The following MARCHF5 variants were observed in gnomAD, a reference collection of about 807,000 sequenced individuals.
The protein encoded by MARCHF5 is E3 ubiquitin-protein ligase MARCHF5.
MARCHF5 carries 5 observed loss-of-function variants against 36.5 expected under a neutral mutation model. The ratio of observed to expected loss-of-function variants is 0.14; its 90% CI spans 0.07 to 0.29. MARCHF5 has a LOEUF of 0.29. MARCHF5 is among the 10% of genes least tolerant of loss of function. The pLI, the probability that MARCHF5 is intolerant of heterozygous loss-of-function variation, is 1.00. For missense variants in MARCHF5, 179 were observed against 336.3 expected, an observed-to-expected ratio of 0.53 and a Z score of 3.66; for synonymous variants, 103 against 109.9, an observed-to-expected ratio of 0.94 and a Z score of 0.39.
intron 2 of MARCHF5, among the ~76,000 whole-genome samples, chr10:92,317,669 A>G (rs1843228895): frequency 1.3e-5 from 2 of 151,418 alleles, no homozygotes; most frequent in Non-Finnish European, 2.9e-5. Context: ...ATACTTCTTG[A>G]TGGATTCCTT....
chr10:92,313,760 G>A (rs1474812922), intron 2 of MARCHF5, among the ~76,000 whole-genome samples: 1 of 152,142 alleles, frequency 6.6e-6, no homozygotes, highest in African/African-American at 2.4e-5. Flanking sequence ...GGGCATGGTG[G>A]CACACACCTG....
At chr10:92,291,631 G>T in intron 1 of MARCHF5, 102 bp downstream of exon 1, 1 of 1,422,144 alleles carries the variant, frequency 7.0e-7, no homozygotes, top group South Asian at 1.5e-5. Flanking sequence ...GGCGTGCCGG[G>T]AGGAGTTCCA....
At chr10:92,291,935 C>G (rs1315064282) in intron 1 of MARCHF5, among the ~76,000 whole-genome samples, 1 of 152,056 alleles carries the variant, frequency 6.6e-6, no homozygotes, top group Non-Finnish European at 1.5e-5. Flanking sequence ...TTTTAAGTCT[C>G]TGTCTGAGAA....
chr10:92,293,969 G>T (rs891566472), intron 1 of MARCHF5, among the ~76,000 whole-genome samples: 1 of 152,148 alleles, frequency 6.6e-6, no homozygotes, highest in South Asian at 2.1e-4. Context: ...TTATTGTCTA[G>T]ATTAGTAGTT....
intron 2 of MARCHF5, among the ~76,000 whole-genome samples, chr10:92,332,507 TC>T (rs1843448032): frequency 7.1e-6 from 1 of 141,720 alleles, no homozygotes; most frequent in African/African-American, 2.6e-5. Context: ...GCATTAGGAT[TC>T]CCCATCCTTT....
chr10:92,328,819 ATAT>A (rs1405823382), intron 2 of MARCHF5, among the ~76,000 whole-genome samples: 107 of 113,758 alleles, frequency 9.4e-4, no homozygotes, highest in African/African-American at 3.5e-3. Flanking sequence ...ATATATATAT[ATAT>A]TTTTTTTTTT....
intron 3 of MARCHF5, among the ~76,000 whole-genome samples, chr10:92,347,523 TG>T (rs1843662722): frequency 1.2e-4 from 10 of 86,876 alleles, no homozygotes; most frequent in African/African-American, 4.2e-4. Flanking sequence ...GATAGATAGA[TG>T]ATAGATATAT....
At chr10:92,297,896 C>G (rs561717713) in intron 1 of MARCHF5, among the ~76,000 whole-genome samples, 1 of 152,190 alleles carries the variant, frequency 6.6e-6, no homozygotes, top group East Asian at 1.9e-4. Context: ...GTCATTAGCT[C>G]TACTGAAAGT....
chr10:92,336,856 C>T (rs1384060537), intron 2 of MARCHF5, among the ~76,000 whole-genome samples: 1 of 152,214 alleles, frequency 6.6e-6, no homozygotes, highest in African/African-American at 2.4e-5. Flanking sequence ...GGCCCAGTGG[C>T]TCACTGCTGT....
intron 2 of MARCHF5, among the ~76,000 whole-genome samples, chr10:92,335,602 C>A (rs956655979): frequency 6.6e-6 from 1 of 152,172 alleles, no homozygotes; most frequent in Non-Finnish European, 1.5e-5. Context: ...CTATAAAATG[C>A]AACCTTTGCC....
At chr10:92,302,955 A>G (rs948215730) in intron 1 of MARCHF5, among the ~76,000 whole-genome samples, 2 of 152,210 alleles carry the variant, frequency 1.3e-5, no homozygotes, top group Non-Finnish European at 1.5e-5. Flanking sequence ...CTATTCTGCT[A>G]CATTCCAATT....
rs1247219499 is a variant in MARCHF5, at chr10:92,349,288, T to G, written c.370-61T>G. On this transcript the variant is annotated intron_variant, in intron 3 of 5. Transcript: ENST00000358935. ...GCATTTTCTATTAAAAAAATAGAGC[T>G]TAACATGCAACACCTCATTTGAAAA... 7 of 1,260,356 alleles carry G rather than the reference T, an allele frequency of 5.6e-6. No individual in the cohort carries two copies. The African/African-American group carries it at 1.1e-4, about 19-fold the overall frequency. 78.1% of individuals were successfully genotyped at this position (1,260,356 alleles called of 1,614,324 possible).
chr10:92,340,176 C>T (rs1208827144), intron 2 of MARCHF5, among the ~76,000 whole-genome samples: 1 of 151,940 alleles, frequency 6.6e-6, no homozygotes, highest in East Asian at 1.9e-4. Flanking sequence ...TCTACCGTGG[C>T]CAGTATGATT....
At chr10:92,329,337 A>G (rs1176778279) in intron 2 of MARCHF5, among the ~76,000 whole-genome samples, 1 of 152,222 alleles carries the variant, frequency 6.6e-6, no homozygotes, top group African/African-American at 2.4e-5. Flanking sequence ...TTTAATACAC[A>G]TTTCTTTATC....
intron 2 of MARCHF5, among the ~76,000 whole-genome samples, chr10:92,320,189 G>A (rs1196814466): frequency 6.6e-6 from 1 of 150,448 alleles, no homozygotes; most frequent in African/African-American, 2.5e-5. Flanking sequence ...AAATAGCTGG[G>A]ACTACAGGTG....
chr10:92,338,053 G>A (rs1843526181), intron 2 of MARCHF5, among the ~76,000 whole-genome samples: 1 of 151,820 alleles, frequency 6.6e-6, no homozygotes, highest in East Asian at 1.9e-4. Flanking sequence ...AGCCAAGCAT[G>A]GTGGCGCACA....
intron 1 of MARCHF5, among the ~76,000 whole-genome samples, chr10:92,301,136 C>T (rs941542259): frequency 1.3e-5 from 2 of 152,124 alleles, no homozygotes; most frequent in Non-Finnish European, 2.9e-5. Context: ...GTCCTCCCCA[C>T]TCAGCCTCCC....
At chr10:92,310,326 C>T (rs534786792) in intron 1 of MARCHF5, among the ~76,000 whole-genome samples, 1 of 152,052 alleles carries the variant, frequency 6.6e-6, no homozygotes, top group Non-Finnish European at 1.5e-5. Context: ...TGATGGAAAT[C>T]GATGTCAAAA....
intron 2 of MARCHF5, among the ~76,000 whole-genome samples, chr10:92,321,622 G>A (rs1217596686): frequency 1.3e-5 from 2 of 152,044 alleles, no homozygotes; most frequent in Non-Finnish European, 2.9e-5. Flanking sequence ...AAAAGAGTTT[G>A]TGAAGGATTG....
Sources: gnomAD v4.1 joint callset for allele counts (sites outside exome capture counted in the v4.1 genomes callset) on GRCh38, gnomAD v4.1.1 for gene constraint, MANE v1.5 for transcripts, NCBI Gene and HGNC (gene_info 2026-07-23, HGNC 2026-07-21) for gene names.